ARHGAP15: variants seen among roughly 807,000 people sequenced by gnomAD.
The protein encoded by ARHGAP15 is rho GTPase-activating protein 15.
In ARHGAP15, 51 loss-of-function variants were observed where a neutral mutation model predicts 63.7. The observed-to-expected ratio is 0.80, with a 90% confidence interval of 0.64 to 1.01. The LOEUF is 1.01. Among genes scored for constraint, ARHGAP15 ranks in the 50% least tolerant of loss-of-function variants. The pLI, the probability that ARHGAP15 is intolerant of heterozygous loss-of-function variation, is 0.00. For synonymous variants in ARHGAP15, 191 were observed against 193.8 expected (o/e 0.99, Z 0.12); for missense variants, 560 against 564.6 (o/e 0.99, Z 0.08).
At chr2:143,746,824 T>A (rs1686183115) in intron 13 of ARHGAP15, among the ~76,000 whole-genome samples, 1 of 152,150 alleles carries the variant, frequency 6.6e-6, no homozygotes, top group African/African-American at 2.4e-5. Context: ...CTAAAAGTCT[T>A]CCTAGTAGAG....
At chr2:143,466,434 G>T (rs1691215889) in intron 8 of ARHGAP15, among the ~76,000 whole-genome samples, 1 of 151,526 alleles carries the variant, frequency 6.6e-6, no homozygotes, top group Non-Finnish European at 1.5e-5. Context: ...AAAAAGAGTT[G>T]GTTGTATAAA....
At chr2:143,172,693 A>G (rs1690837721) in intron 2 of ARHGAP15, among the ~76,000 whole-genome samples, 1 of 152,116 alleles carries the variant, frequency 6.6e-6, no homozygotes. Context: ...TCACTGAGAC[A>G]GGAAGAACCA....
At chr2:143,700,314 C>A (rs757155156) in intron 12 of ARHGAP15, among the ~76,000 whole-genome samples, 1 of 152,152 alleles carries the variant, frequency 6.6e-6, no homozygotes, top group Non-Finnish European at 1.5e-5. Flanking sequence ...AATTAAGCAA[C>A]GGCCAATCTT....
At chr2:143,392,146 T>A (rs182737013) in intron 6 of ARHGAP15, among the ~76,000 whole-genome samples, 241 of 152,322 alleles carry the variant, frequency 1.6e-3, no homozygotes, top group African/African-American at 5.6e-3. Context: ...ACAGTTCTTG[T>A]GAGAACACAC....
intron 6 of ARHGAP15, among the ~76,000 whole-genome samples, chr2:143,393,679 G>A (rs568299475): frequency 7.2e-5 from 10 of 138,932 alleles, no homozygotes; most frequent in South Asian, 2.4e-4. Context: ...GCAGTGAGCC[G>A]ATTGTGCCAC....
intron 6 of ARHGAP15, among the ~76,000 whole-genome samples, chr2:143,373,956 T>G (rs1042639927): frequency 1.3e-5 from 2 of 152,294 alleles, no homozygotes; most frequent in African/African-American, 4.8e-5. Context: ...CTAGCAAACC[T>G]GCAAAACCAT....
intron 6 of ARHGAP15, among the ~76,000 whole-genome samples, chr2:143,251,833 G>A (rs1364655237): frequency 6.6e-6 from 1 of 152,002 alleles, no homozygotes; most frequent in Non-Finnish European, 1.5e-5. Flanking sequence ...TGGCTTTACA[G>A]AATCAAGAAG....
At chr2:143,760,373 GTAT>G (rs1467247140) in intron 13 of ARHGAP15, among the ~76,000 whole-genome samples, 10 of 152,022 alleles carry the variant, frequency 6.6e-5, no homozygotes, top group African/African-American at 2.4e-4. Context: ...TTTCTTTTTG[GTAT>G]TATCTACTAT....
intron 13 of ARHGAP15, among the ~76,000 whole-genome samples, chr2:143,736,597 A>G (rs763422907): frequency 2.6e-4 from 40 of 152,226 alleles, no homozygotes; most frequent in Non-Finnish European, 5.3e-4. Context: ...TTCAGTTTTC[A>G]TATCTACAAA....
Position 143,754,939 on chromosome 2 carries a change from C to T in ARHGAP15, c.1245-13050C>T, listed in dbSNP as rs371923562. On this transcript the variant is annotated intron_variant, in intron 13 of 13. Transcript: ENST00000295095. ...CTTGCAAAAATTAAAAGGACTTCTG[C>T]TTTTCTGCATCACCCCTGAACTGAG... Among the ~76,000 whole-genome samples, 25 of 152,276 alleles carry T rather than the reference C, an allele frequency of 1.6e-4. 1 individual carries two copies. Among genetic ancestry groups the T allele is most frequent in the East Asian group, 1.4e-3 (7 of 5,180 alleles).
At chr2:143,473,926 C>A (rs1345556855) in intron 8 of ARHGAP15, among the ~76,000 whole-genome samples, 1 of 152,098 alleles carries the variant, frequency 6.6e-6, no homozygotes, top group East Asian at 1.9e-4. Flanking sequence ...ACCAGAAGTT[C>A]CATTTTGTGA....
intron 13 of ARHGAP15, chr2:143,703,762 G>T: frequency 2.7e-6 from 1 of 366,708 alleles, no homozygotes; most frequent in Non-Finnish European, 4.9e-6. Context: ...GTATATGTTT[G>T]CTGATTGCTT....
intron 6 of ARHGAP15, among the ~76,000 whole-genome samples, chr2:143,292,504 A>G (rs1284266803): frequency 2.0e-5 from 3 of 152,026 alleles, no homozygotes; most frequent in African/African-American, 7.2e-5. Flanking sequence ...TGTTAGTAGC[A>G]ACACTAATAA....
intron 13 of ARHGAP15, among the ~76,000 whole-genome samples, chr2:143,706,983 T>C (rs540182673): frequency 6.6e-6 from 1 of 152,242 alleles, no homozygotes; most frequent in East Asian, 1.9e-4. Context: ...AAGATGAAGT[T>C]AGTGGGAAGG....
At chr2:143,283,427 A>T (rs1042865875) in intron 6 of ARHGAP15, among the ~76,000 whole-genome samples, 16 of 152,168 alleles carry the variant, frequency 1.1e-4, no homozygotes, top group Non-Finnish European at 2.4e-4. Flanking sequence ...TTAGTTTTGG[A>T]TATTTAAATT....
chr2:143,510,728 T>A (rs1169171682), intron 9 of ARHGAP15, among the ~76,000 whole-genome samples: 1 of 152,076 alleles, frequency 6.6e-6, no homozygotes, highest in Non-Finnish European at 1.5e-5. Flanking sequence ...AGTTGGATAA[T>A]TGTCTGATTT....
chr2:143,645,628 T>C (rs1680833682), intron 12 of ARHGAP15, among the ~76,000 whole-genome samples: 2 of 152,032 alleles, frequency 1.3e-5, no homozygotes, highest in African/African-American at 4.8e-5. Context: ...TTTTTCATTA[T>C]CAAATATATA....
At chr2:143,678,727 G>C (rs186867452) in intron 12 of ARHGAP15, among the ~76,000 whole-genome samples, 1 of 152,258 alleles carries the variant, frequency 6.6e-6, no homozygotes, top group East Asian at 1.9e-4. Flanking sequence ...CTTTTGATAA[G>C]ATCATTTATG....
chr2:143,283,993 A>G (rs1291076496), intron 6 of ARHGAP15, among the ~76,000 whole-genome samples: 1 of 151,970 alleles, frequency 6.6e-6, no homozygotes, highest in Non-Finnish European at 1.5e-5. Flanking sequence ...TCAACTCTTC[A>G]CTGGACATTT....
Sources: allele counts gnomAD v4.1 joint callset (sites outside exome capture counted in the v4.1 genomes callset), GRCh38; gene constraint gnomAD v4.1.1; transcripts MANE v1.5; gene names NCBI Gene and HGNC (gene_info 2026-07-23, HGNC 2026-07-21).